The following LARGE1 variants were observed in gnomAD, a reference collection of about 807,000 sequenced individuals.
LARGE1 encodes the protein LARGE xylosyl- and glucuronyltransferase 1.
LARGE1 carries 43 observed loss-of-function variants against 87.6 expected under a neutral mutation model. The ratio of observed to expected loss-of-function variants is 0.49; its 90% confidence interval spans 0.38 to 0.63. The LOEUF is 0.63. Ranked by LOEUF, LARGE1 falls within the 30% of genes least tolerant of loss-of-function variation. LARGE1 has a pLI of 0.00. For synonymous variants in LARGE1, 434 were observed against 394.6 expected (o/e 1.10, Z -1.18); for missense variants, 802 against 1,000.2 (o/e 0.80, Z 2.67).
chr22:33,085,270 C>T, the LARGE1 span, among the ~76,000 whole-genome samples: 24 of 152,158 alleles, frequency 1.6e-4, no homozygotes, highest in South Asian at 2.3e-3. Flanking sequence ...AGCGAGACTC[C>T]GTCTCAAAGA....
chr22:33,338,166 T>C (rs74431614), intron 9 of LARGE1, among the ~76,000 whole-genome samples: 3,465 of 152,194 alleles, frequency 0.023, 62 homozygotes, highest in Middle Eastern at 0.078. Flanking sequence ...GGCCACCTGC[T>C]GCCTGTAGGT....
rs1248717254 is a variant in LARGE1 at position 33,337,564 on chromosome 22, C to T, written c.1287+82G>A. 2.6e-6 allele frequency: 4 copies of T among 1,543,192 alleles called. No homozygotes were observed. The Admixed American group carries it at 5.3e-5, about 21-fold the overall frequency. On this transcript the variant is annotated intron_variant, in intron 10 of 14. Transcript: ENST00000397394. ...CACCTAGGTCCTGCCATGAGCCTGA[C>T]ATAGAGCCTGGCATGGGGGAGGTCC... is the stretch of plus-strand genomic sequence containing the variant.
At chr22:33,225,035 C>G (rs1925661993) in intron 11 of LARGE1, among the ~76,000 whole-genome samples, 1 of 152,246 alleles carries the variant, frequency 6.6e-6, no homozygotes, top group African/African-American at 2.4e-5. Context: ...TCCACATTTT[C>G]TGGATGAAGG....
chr22:33,705,834 T>C (rs371077846), intron 2 of LARGE1, among the ~76,000 whole-genome samples: 2 of 152,348 alleles, frequency 1.3e-5, no homozygotes, highest in African/African-American at 4.8e-5. Context: ...TCGATGATGA[T>C]AATAGCACCT....
At chr22:33,082,826 C>T in the LARGE1 span, among the ~76,000 whole-genome samples, 2 of 152,072 alleles carry the variant, frequency 1.3e-5, no homozygotes, top group African/African-American at 2.4e-5. Context: ...GAGATCGAGA[C>T]CATCCTGGCT....
intron 11 of LARGE1, among the ~76,000 whole-genome samples, chr22:33,180,975 G>A (rs1351795079): frequency 1.3e-5 from 2 of 152,146 alleles, no homozygotes. Flanking sequence ...TGTGGATGTG[G>A]TTCTAAAATT....
intron 13 of LARGE1, among the ~76,000 whole-genome samples, chr22:33,280,570 G>A (rs1275703874): frequency 1.3e-5 from 2 of 152,170 alleles, no homozygotes; most frequent in Non-Finnish European, 2.9e-5. Flanking sequence ...TCTGGCTGAG[G>A]AGGCAGCTTT....
At chr22:33,914,517 G>A (rs1487513649) in intron 1 of LARGE1, among the ~76,000 whole-genome samples, 1 of 152,216 alleles carries the variant, frequency 6.6e-6, no homozygotes, top group African/African-American at 2.4e-5. Flanking sequence ...AAAGAACAGT[G>A]TAACATTTCA....
intron 14 of LARGE1, among the ~76,000 whole-genome samples, chr22:33,275,708 G>A (rs2413177): frequency 0.065 from 9,865 of 152,042 alleles, 1,081 homozygotes; most frequent in African/African-American, 0.23. Flanking sequence ...CATGCTATTC[G>A]CAAAGAAAAA....
intron 11 of LARGE1, among the ~76,000 whole-genome samples, chr22:33,222,997 G>A (rs569395456): frequency 5.3e-5 from 8 of 152,230 alleles, no homozygotes; most frequent in East Asian, 3.9e-4. Flanking sequence ...GCTCGCTTAC[G>A]TGTTGTAAAG....
chr22:33,237,101 A>T (rs1476952019), intron 11 of LARGE1, among the ~76,000 whole-genome samples: 3 of 152,210 alleles, frequency 2.0e-5, no homozygotes. Flanking sequence ...TCTGGAGATT[A>T]TGCAGCTTGG....
intron 11 of LARGE1, among the ~76,000 whole-genome samples, chr22:33,259,119 T>C (rs1312470478): frequency 1.3e-5 from 2 of 152,084 alleles, no homozygotes; most frequent in South Asian, 2.1e-4. Context: ...ACCTTGTGAT[T>C]TGCCCGCCTT....
intron 1 of LARGE1, among the ~76,000 whole-genome samples, chr22:33,817,643 T>C (rs1377552334): frequency 6.6e-6 from 1 of 152,030 alleles, no homozygotes. Context: ...CTGCTCGAAC[T>C]GGACTCAGCT....
intron 6 of LARGE1, among the ~76,000 whole-genome samples, chr22:33,449,168 G>A (rs1396133783): frequency 6.6e-6 from 1 of 152,066 alleles, no homozygotes; most frequent in Non-Finnish European, 1.5e-5. Context: ...TTTTCCGTAA[G>A]TTAAGCCTGA....
chr22:33,550,523 G>A (rs926477734), intron 6 of LARGE1, among the ~76,000 whole-genome samples: 3 of 152,146 alleles, frequency 2.0e-5, no homozygotes, highest in East Asian at 3.9e-4. Context: ...CTTAAACTCA[G>A]TCAGAATGGC....
the LARGE1 span, among the ~76,000 whole-genome samples, chr22:33,140,070 T>G: frequency 6.6e-6 from 1 of 152,206 alleles, no homozygotes; most frequent in Middle Eastern, 3.2e-3. Flanking sequence ...TAGAGCCCCA[T>G]TATTCTCAGC....
intron 5 of LARGE1, among the ~76,000 whole-genome samples, chr22:33,578,769 T>G (rs929411641): frequency 2.6e-5 from 4 of 152,236 alleles, no homozygotes; most frequent in Admixed American, 2.0e-4. Context: ...GAAATCTGTA[T>G]ATAAATTCTT....
the LARGE1 span, among the ~76,000 whole-genome samples, chr22:33,087,272 AATTGT>A: frequency 6.6e-6 from 1 of 151,912 alleles, no homozygotes; most frequent in African/African-American, 2.4e-5. Flanking sequence ...AAAATAATTT[AATTGT>A]ATTATAATTA....
intron 11 of LARGE1, among the ~76,000 whole-genome samples, chr22:33,177,284 C>A (rs931553648): frequency 6.6e-6 from 1 of 151,758 alleles, no homozygotes; most frequent in Non-Finnish European, 1.5e-5. Flanking sequence ...TGCACATGTA[C>A]CCCAGAACTT....
Sources: gnomAD v4.1 joint callset for allele counts (sites outside exome capture counted in the v4.1 genomes callset) on GRCh38, gnomAD v4.1.1 for gene constraint, MANE v1.5 for transcripts, NCBI Gene and HGNC (gene_info 2026-07-23, HGNC 2026-07-21) for gene names.